NSMCE1: variants seen among roughly 807,000 people sequenced by gnomAD.
NSMCE1 encodes NSE1 component of SMC5/6 complex, also known as non-structural maintenance of chromosomes element 1 homolog.
In NSMCE1, 18 loss-of-function variants were observed where a neutral mutation model predicts 29.6. The observed-to-expected ratio is 0.61, with a 90% CI of 0.42 to 0.90. The LOEUF (loss-of-function observed/expected upper bound fraction) is 0.90, where lower values mean the gene tolerates loss of function less well. Among genes scored for constraint, NSMCE1 ranks in the 40% least tolerant of loss-of-function variants. The probability of loss-of-function intolerance (pLI) is 0.00; values close to 1 mark genes in which losing one functional copy is unlikely to be tolerated. For synonymous variants in NSMCE1, 124 were observed against 133.4 expected (o/e 0.93, Z 0.49); for missense variants, 314 against 343.6 (o/e 0.91, Z 0.68).
rs1211860647 is a variant in NSMCE1, at chr16:27,226,784, T to C, written c.536A>G (p.Tyr179Cys). ...CGCGTCGGGGTACGTCTCCCGGATG[T>C]ATTGCTCCATCTCCAGGATGGCCCG... ...HGRAILEMEQ[Y>C]IRETYPDAVK... The change falls in exon 6 of 8, where the codon TAC becomes TGC. Residue 179 changes from tyrosine to cysteine, a missense_variant. Tyr to Cys is a radical substitution (Grantham distance 194, BLOSUM62 -2). Coordinates refer to ENST00000361439, the MANE Select transcript of NSMCE1 (RefSeq NM_145080.4). 2 of 1,613,938 alleles carry C rather than the reference T, an allele frequency of 1.2e-6. No individual in the cohort carries two copies. The highest frequency in any genetic ancestry group is 1.7e-6 in the Non-Finnish European group (2 of 1,179,916).
intron 1 of NSMCE1, chr16:27,266,250 C>A (rs930914560): frequency 1.3e-5 from 2 of 152,108 alleles, no homozygotes; most frequent in African/African-American, 4.8e-5. Context: ...TGTTAAATAA[C>A]AGCCAAAATA....
At chr16:27,257,107 C>T (rs184644878) in intron 2 of NSMCE1, among the ~76,000 whole-genome samples, 1 of 152,284 alleles carries the variant, frequency 6.6e-6, no homozygotes, top group Admixed American at 6.5e-5. Flanking sequence ...GAACCATGCA[C>T]TTACTTATGT....
rs1320968502 is a variant in NSMCE1 at position 27,232,464 on chromosome 16, T to C, written c.483+537A>G. 1.3e-5 allele frequency among the ~76,000 whole-genome samples: 2 copies of C among 152,166 alleles called. No homozygotes were observed. Among genetic ancestry groups the C allele is most frequent in the Non-Finnish European group, 2.9e-5 (2 of 68,034 alleles). On this transcript the variant is annotated intron_variant, in intron 5 of 7. Coordinates refer to ENST00000361439, the MANE Select transcript of NSMCE1 (RefSeq NM_145080.4). The surrounding 1 kb of genome is among the most constrained non-coding windows in gnomAD (Gnocchi z 4.5). ...CTTCTAAGCACTGGCCCTGAGGAACTCACTGCTGACAAAAACAACAGTGGT... is the reference window on the plus strand; with the variant it reads ...CTTCTAAGCACTGGCCCTGAGGAACCCACTGCTGACAAAAACAACAGTGGT...
chr16:27,257,336 G>T, intron 2 of NSMCE1, 99 bp downstream of exon 2: 1 of 996,858 alleles, frequency 1.0e-6, no homozygotes. Flanking sequence ...GCTCAGCTCA[G>T]GAGTACCGGT....
chr16:27,251,100 C>G (rs1004894260), intron 2 of NSMCE1, among the ~76,000 whole-genome samples: 7 of 145,644 alleles, frequency 4.8e-5, no homozygotes, highest in African/African-American at 1.7e-4. Flanking sequence ...CTCAGCCTCC[C>G]AAAGTGCTGG....
At chr16:27,248,194 A>G (rs1194526813) in intron 2 of NSMCE1, among the ~76,000 whole-genome samples, 1 of 152,142 alleles carries the variant, frequency 6.6e-6, no homozygotes, top group African/African-American at 2.4e-5. Context: ...ATAGCTTCAT[A>G]TCTCTTGAAT....
chr16:27,227,248 G>T (rs1248305036), intron 5 of NSMCE1, among the ~76,000 whole-genome samples: 2 of 152,168 alleles, frequency 1.3e-5, no homozygotes, highest in African/African-American at 4.8e-5. Flanking sequence ...CTCCCAAAAA[G>T]CAGCATCCCT....
At chr16:27,229,921 C>A (rs1252393001) in intron 5 of NSMCE1, among the ~76,000 whole-genome samples, 4 of 152,188 alleles carry the variant, frequency 2.6e-5, no homozygotes, top group African/African-American at 9.7e-5. Context: ...TGAAACTGCA[C>A]CCAAGGCTCA....
chr16:27,235,157 A>C (rs1318564925), intron 3 of NSMCE1, 21 bp downstream of exon 3: 2 of 1,610,524 alleles, frequency 1.2e-6, no homozygotes, highest in African/African-American at 2.7e-5. Context: ...ATGCCACTAG[A>C]GGGCTCTGCC....
At chr16:27,246,245 A>G (rs546364779) in intron 2 of NSMCE1, among the ~76,000 whole-genome samples, 4 of 152,362 alleles carry the variant, frequency 2.6e-5, no homozygotes, top group African/African-American at 9.6e-5. Flanking sequence ...TACTCTGCTC[A>G]CTGAAGTATT....
rs78963714 is a variant in NSMCE1 at position 27,234,165 on chromosome 16, G to A, written c.336+23C>T. 426 of 1,499,224 alleles carry A rather than the reference G, an allele frequency of 2.8e-4. 1 individual carries two copies. In the African/African-American group the frequency reaches 5.1e-3, roughly 18 times the overall value. The allele number at this position is 1,499,224 out of a possible 1,614,324, so 92.9% of individuals were successfully genotyped here. ...TTCCCATAAGAAGCCCACCCAATGG[G>A]CAATGGGGATTACTCTACTTACAGC... is the stretch of plus-strand genomic sequence containing the variant. On this transcript the variant is annotated intron_variant, in intron 4 of 7. Coordinates refer to ENST00000361439, the MANE Select transcript of NSMCE1 (RefSeq NM_145080.4).
At chr16:27,253,088 C>T (rs1347703359) in intron 2 of NSMCE1, among the ~76,000 whole-genome samples, 1 of 152,138 alleles carries the variant, frequency 6.6e-6, no homozygotes, top group East Asian at 1.9e-4. Flanking sequence ...TCCTATGTGG[C>T]TGTTCCTGAG....
At chr16:27,253,165 A>C (rs2084052776) in intron 2 of NSMCE1, among the ~76,000 whole-genome samples, 1 of 152,200 alleles carries the variant, frequency 6.6e-6, no homozygotes, top group Non-Finnish European at 1.5e-5. Context: ...AGTTCTATGA[A>C]TCATTCTAGA....
At chr16:27,234,313 G>A (rs752258739) in intron 3 of NSMCE1, 48 bp from the exon 4 acceptor site, 186 of 1,307,540 alleles carry the variant, frequency 1.4e-4, no homozygotes, top group Non-Finnish European at 1.9e-4. Context: ...TTTGCGTGTT[G>A]GTTAACGTGT....
chr16:27,234,416 C>A, intron 3 of NSMCE1, 151 bp from the exon 4 acceptor site: 1 of 658,584 alleles, frequency 1.5e-6, no homozygotes, highest in Non-Finnish European at 2.8e-6. Flanking sequence ...GATCTGTAAC[C>A]AGGCGTATAT....
chr16:27,235,925 C>T (rs1383566899), intron 2 of NSMCE1, among the ~76,000 whole-genome samples: 1 of 152,178 alleles, frequency 6.6e-6, no homozygotes, highest in Admixed American at 6.5e-5. Context: ...CACCTTTTGT[C>T]GTCATGAATC....
chr16:27,260,052 G>GT, intron 1 of NSMCE1, among the ~76,000 whole-genome samples: 1 of 152,296 alleles, frequency 6.6e-6, no homozygotes. Flanking sequence ...AGGGATACAA[G>GT]TTGGAAGGTC....
intron 5 of NSMCE1, among the ~76,000 whole-genome samples, chr16:27,227,145 T>C (rs544253452): frequency 6.6e-6 from 1 of 152,332 alleles, no homozygotes; most frequent in African/African-American, 2.4e-5. Context: ...GTCACAGCCC[T>C]CCTGCAGATG....
At chr16:27,229,779 A>G (rs2083743295) in intron 5 of NSMCE1, among the ~76,000 whole-genome samples, 1 of 152,166 alleles carries the variant, frequency 6.6e-6, no homozygotes, top group African/African-American at 2.4e-5. Flanking sequence ...GGGTTTCACC[A>G]TATCGGCCAG....
Sources: allele counts gnomAD v4.1 joint callset (sites outside exome capture counted in the v4.1 genomes callset), GRCh38; gene constraint gnomAD v4.1.1; non-coding constraint Gnocchi (gnomAD v3.1); transcripts MANE v1.5; gene names NCBI Gene and HGNC (gene_info 2026-07-23, HGNC 2026-07-21).